CD180: variants seen among roughly 807,000 people sequenced by gnomAD.
CD180 encodes CD180 molecule, also known as CD180 antigen.
Under a neutral mutation model 10.7 loss-of-function variants are expected in CD180, and 11 were observed. The observed-to-expected ratio is 1.03, with a 90% CI of 0.65 to 1.70. The LOEUF (loss-of-function observed/expected upper bound fraction) is 1.70, where lower values mean the gene tolerates loss of function less well. CD180 is among the 40% of genes most tolerant of loss of function. CD180 has a pLI of 0.00. For missense variants in CD180, 729 were observed against 775.2 expected, an observed-to-expected ratio of 0.94 and a Z score of 0.71; for synonymous variants, 286 against 294.6, an observed-to-expected ratio of 0.97 and a Z score of 0.30.
At chr5:67,187,335 A>G (rs1380028972) in intron 1 of CD180, among the ~76,000 whole-genome samples, 1 of 152,192 alleles carries the variant, frequency 6.6e-6, no homozygotes, top group Non-Finnish European at 1.5e-5. Context: ...CACAGTGCTT[A>G]AAAAAACTAG....
At chr5:67,186,876 A>AAGAGAG (rs554168576) in intron 1 of CD180, among the ~76,000 whole-genome samples, 292 of 126,096 alleles carry the variant, frequency 2.3e-3, no homozygotes, top group African/African-American at 7.9e-3. Context: ...GTGTGTGTGA[A>AAGAGAG]AGAGAGAGAG....
chr5:67,187,939 A>T (rs1472192455), intron 1 of CD180, among the ~76,000 whole-genome samples: 1 of 152,124 alleles, frequency 6.6e-6, no homozygotes, highest in Non-Finnish European at 1.5e-5. Flanking sequence ...TGGGTGGCCG[A>T]GGTAGGCAGA....
At position 67,184,385 on chromosome 5, in the gene CD180, C is replaced by CTTTCCAAGT; in HGVS notation, c.449_457dup (p.Asn150_Glu152dup). 6.2e-7 allele frequency: 1 copy of CTTTCCAAGT among 1,613,770 alleles called. No individual in the cohort carries two copies. ...AATATGGTTGCTTCCAAGATACAAG[C>CTTTCCAAGT]TTTCCAAGTTTTCCAGATTGTGCAC... On this transcript the variant is annotated inframe_insertion, in exon 3 of 3. Coordinates refer to ENST00000256447, the MANE Select transcript of CD180 (RefSeq NM_005582.3).
At chr5:67,189,002 G>C (rs964368295) in intron 1 of CD180, among the ~76,000 whole-genome samples, 2 of 152,154 alleles carry the variant, frequency 1.3e-5, no homozygotes, top group Admixed American at 1.3e-4. Context: ...CCATGAATAT[G>C]GACGACCCAG....
chr5:67,183,629 T>A lies in CD180; in HGVS notation c.1214A>T (p.His405Leu). 1 of 1,614,188 alleles carries A rather than the reference T, an allele frequency of 6.2e-7. No homozygotes were observed. The highest frequency in any genetic ancestry group is 8.5e-7 in the Non-Finnish European group (1 of 1,180,020). ...LSHLQTLNLS[H>L]NEPLGLQSQA... ...ACTCTGGAGACCAAGAGGCTCATTGTGGCTCAGGTTTAAGGTTTGCAAGTG... is the reference window on the plus strand; with the variant it reads ...ACTCTGGAGACCAAGAGGCTCATTGAGGCTCAGGTTTAAGGTTTGCAAGTG... The change falls in exon 3 of 3, where the codon CAC (histidine) becomes CTC (leucine). Residue 405 changes from histidine (H) to leucine (L), a missense_variant. By Grantham distance (99) the His-to-Leu change is moderately conservative. Coordinates refer to ENST00000256447, the MANE Select transcript of CD180 (RefSeq NM_005582.3).
intron 1 of CD180, among the ~76,000 whole-genome samples, chr5:67,187,082 T>C (rs1463101641): frequency 2.6e-5 from 4 of 152,218 alleles, no homozygotes; most frequent in African/African-American, 7.2e-5. Context: ...TATTAAGGAA[T>C]TCTGGATTTT....
Position 67,196,608 on chromosome 5 carries a change from C to G in CD180, c.34G>C (p.Val12Leu). 1.9e-6 allele frequency: 3 copies of G among 1,613,820 alleles called. No individual in the cohort carries two copies. Among genetic ancestry groups the G allele is most frequent in the Non-Finnish European group, 2.5e-6 (3 of 1,179,926 alleles). ...ACTTTACAGCCGGCAGAAAACAGCA[C>G]CACCCAAAAGAAGCAGCTGACGTCA... is the stretch of plus-strand genomic sequence containing the variant. ...AFDVSCFFWV[V>L]LFSAGCKVIT... The change falls in exon 1 of 3, where the codon GTG (valine) becomes CTG (leucine). Residue 12 changes from valine (V) to leucine (L), a missense_variant. Val to Leu is a conservative substitution (Grantham distance 32). Coordinates refer to ENST00000256447, the MANE Select transcript of CD180 (RefSeq NM_005582.3).
In CD180 at chr5:67,194,623, C is replaced by T. The variant is rs114113883; in HGVS notation, c.90+1929G>A. Among the ~76,000 whole-genome samples the T allele has an allele frequency of 3.7e-3, 565 of 152,306 alleles. 4 individuals carry two copies. The highest frequency in any genetic ancestry group is 0.013 in the African/African-American group (532 of 41,574). On this transcript the variant is annotated intron_variant, in intron 1 of 2. Transcript: ENST00000256447. ...AGTAATAACTCTGTCTCCCACCTGG[C>T]GTGGCCAGTCTCACATCAATTAAAC...
chr5:67,194,005 A>G (rs552148351), intron 1 of CD180, among the ~76,000 whole-genome samples: 171 of 152,250 alleles, frequency 1.1e-3, no homozygotes, highest in African/African-American at 3.8e-3. Context: ...ATGCCTCCCA[A>G]ATGTCTGTAT....
At chr5:67,190,735 T>A (rs1742289657) in intron 1 of CD180, among the ~76,000 whole-genome samples, 1 of 152,358 alleles carries the variant, frequency 6.6e-6, no homozygotes, top group South Asian at 2.1e-4. Context: ...GTCTCAGACC[T>A]GTGCTCCCAG....
intron 1 of CD180, among the ~76,000 whole-genome samples, chr5:67,195,377 C>T (rs1189322407): frequency 1.3e-5 from 2 of 152,128 alleles, no homozygotes; most frequent in African/African-American, 2.4e-5. Flanking sequence ...CCACCATGCC[C>T]AGCTAATATT....
At chr5:67,185,448 T>C (rs1011005958) in intron 2 of CD180, among the ~76,000 whole-genome samples, 1 of 152,206 alleles carries the variant, frequency 6.6e-6, no homozygotes, top group Admixed American at 6.5e-5. Context: ...ATAATGGAAC[T>C]CATTTTCCAA....
Position 67,183,694 on chromosome 5 carries a change from C to A in CD180, c.1149G>T (p.Glu383Asp). 6.2e-7 allele frequency: 1 copy of A among 1,614,150 alleles called. No individual in the cohort carries two copies. The highest frequency in any genetic ancestry group is 8.5e-7 in the Non-Finnish European group (1 of 1,180,032). Reference protein sequence around the residue: ...QTLDLSHNDIEASDCCSLQLK... With the variant: ...QTLDLSHNDIDASDCCSLQLK... ...GTTGCAGACTGCAGCAGTCAGAAGC[C>A]TCTATGTCATTATGGCTTAAATCAA... Residue 383 changes from glutamate (E) to aspartate (D), a missense_variant, in exon 3 of 3, where the codon GAG becomes GAT. Physicochemically the swap from Glu to Asp is conservative, Grantham distance 45. Coordinates refer to ENST00000256447, the MANE Select transcript of CD180 (RefSeq NM_005582.3).
chr5:67,184,661 C>A (rs1408137480), intron 2 of CD180, 76 bp from the exon 3 acceptor site: 3 of 1,196,628 alleles, frequency 2.5e-6, no homozygotes, highest in Non-Finnish European at 3.5e-6. Context: ...CACACATTAA[C>A]AAAGTCATCT....
intron 1 of CD180, among the ~76,000 whole-genome samples, chr5:67,191,902 C>A (rs977323842): frequency 1.3e-5 from 2 of 152,122 alleles, no homozygotes; most frequent in South Asian, 2.1e-4. Flanking sequence ...TTGACTCCTA[C>A]TTGTATGTAA....
chr5:67,188,245 AT>A (rs1338294185), intron 1 of CD180, among the ~76,000 whole-genome samples: 9 of 152,080 alleles, frequency 5.9e-5, no homozygotes, highest in African/African-American at 1.9e-4. Context: ...ACCTTCCTCC[AT>A]GGAATCACAC....
chr5:67,183,324 C>T lies in CD180; in HGVS notation c.1519G>A (p.Gly507Ser). The change falls in exon 3 of 3, where the codon GGT becomes AGT. Residue 507 changes from glycine to serine, a missense_variant. Physicochemically the swap from Gly to Ser is moderately conservative, Grantham distance 56. Coordinates refer to ENST00000256447, the MANE Select transcript of CD180 (RefSeq NM_005582.3). ...GCTTGCTGGTCTATAGAGAGGAGAC[C>T]ACAAGAGGACAAAATCAGAACCTCC... is the stretch of plus-strand genomic sequence containing the variant. Reference protein sequence around the residue: ...SLEVLILSSCGLLSIDQQAFH... With the variant: ...SLEVLILSSCSLLSIDQQAFH... 6.2e-7 allele frequency: 1 copy of T among 1,614,114 alleles called. No individual in the cohort carries two copies. The highest frequency in any genetic ancestry group is 8.5e-7 in the Non-Finnish European group (1 of 1,180,018).
rs767872510 is a variant in CD180, at chr5:67,183,709, G to A, written c.1134C>T (p.Ser378=). 8 of 1,614,142 alleles carry A rather than the reference G, an allele frequency of 5.0e-6. No homozygotes were observed. The highest frequency in any genetic ancestry group is 6.8e-6 in the Non-Finnish European group (8 of 1,180,020). ...KLGNLQTLDL[S]HNDIEASDCC... ...AGTCAGAAGCCTCTATGTCATTATG[G>A]CTTAAATCAAGTGTCTGAAGGTTTC... Residue 378 remains serine (S), a synonymous_variant, in exon 3 of 3, where the codon AGC becomes AGT. Coordinates refer to ENST00000256447, the MANE Select transcript of CD180 (RefSeq NM_005582.3).
Position 67,189,941 on chromosome 5 carries a change from A to C in CD180, c.91-3924T>G, listed in dbSNP as rs1742269739. On this transcript the variant is annotated intron_variant, in intron 1 of 2. Coordinates refer to ENST00000256447, the MANE Select transcript of CD180 (RefSeq NM_005582.3). ...AGATATTTAATATTGATACAATGTA[A>C]TTATCCAACATACTGTCTATATCCA... 1.3e-5 allele frequency among the ~76,000 whole-genome samples: 2 copies of C among 152,232 alleles called. 1 individual carries two copies. The highest frequency in any genetic ancestry group is 4.1e-4 in the South Asian group (2 of 4,834).
Sources: gnomAD v4.1 joint callset for allele counts (sites outside exome capture counted in the v4.1 genomes callset) on GRCh38, gnomAD v4.1.1 for gene constraint, MANE v1.5 for transcripts, NCBI Gene and HGNC (gene_info 2026-07-23, HGNC 2026-07-21) for gene names.